DNAJC15: variants seen among roughly 807,000 people sequenced by gnomAD.
The protein encoded by DNAJC15 is DnaJ heat shock protein family (Hsp40) member C15, also known as dnaJ homolog subfamily C member 15.
In DNAJC15, 27 loss-of-function variants were observed where a neutral mutation model predicts 22.4. That is an observed-to-expected ratio of 1.20 (90% CI 0.89 to 1.66). The LOEUF (loss-of-function observed/expected upper bound fraction) is 1.66. DNAJC15 is among the 40% of genes most tolerant of loss of function. The pLI is 0.00. For missense variants in DNAJC15, 208 were observed against 187.1 expected (o/e 1.11, Z -0.65); for synonymous variants, 79 against 63.2 (o/e 1.25, Z -1.19).
intron 1 of DNAJC15, among the ~76,000 whole-genome samples, chr13:43,035,618 T>C (rs1175968416): frequency 6.6e-6 from 1 of 152,240 alleles, no homozygotes; most frequent in Non-Finnish European, 1.5e-5. Flanking sequence ...ACTTCATTAC[T>C]ATAAGTACTT....
intron 5 of DNAJC15, among the ~76,000 whole-genome samples, chr13:43,106,337 G>C (rs1178153094): frequency 6.6e-6 from 1 of 152,068 alleles, no homozygotes; most frequent in Non-Finnish European, 1.5e-5. Flanking sequence ...GAAGTTAGAA[G>C]GTATATGATG....
At chr13:43,066,920 A>G (rs1178648482) in intron 2 of DNAJC15, among the ~76,000 whole-genome samples, 1 of 152,230 alleles carries the variant, frequency 6.6e-6, no homozygotes, top group Non-Finnish European at 1.5e-5. Context: ...TGCCCGGCCC[A>G]TTCGAAAGAA....
intron 3 of DNAJC15, among the ~76,000 whole-genome samples, chr13:43,069,221 C>T (rs1441837562): frequency 6.6e-6 from 1 of 152,050 alleles, no homozygotes; most frequent in East Asian, 1.9e-4. Context: ...GTTTTGACAT[C>T]TAATTATTAT....
intron 1 of DNAJC15, among the ~76,000 whole-genome samples, chr13:43,026,839 AG>A (rs577538707): frequency 9.9e-5 from 15 of 152,222 alleles, no homozygotes; most frequent in Non-Finnish European, 2.2e-4. Flanking sequence ...TTCAAGACCC[AG>A]GGTGGGCAAC....
In DNAJC15 at chr13:43,108,334, T is replaced by C. The variant is rs2040808263; in HGVS notation, c.*1086T>C. Reference sequence around the variant, plus strand: ...TCTGGAAAGCAAGGTTTGGACAGAGTGGTCATCAAAGGCCAGCCCTGTGAC... The same window carrying C: ...TCTGGAAAGCAAGGTTTGGACAGAGCGGTCATCAAAGGCCAGCCCTGTGAC... On this transcript the variant is annotated 3_prime_UTR_variant, in exon 6 of 6. Coordinates refer to ENST00000379221, the MANE Select transcript of DNAJC15 (RefSeq NM_013238.3). The C allele has an allele frequency of 6.6e-6, 1 of 152,050 alleles. No individual in the cohort carries two copies. The highest frequency in any genetic ancestry group is 1.5e-5 in the Non-Finnish European group (1 of 67,982). 9.4% of individuals were successfully genotyped at this position (152,050 alleles called of 1,614,324 possible). A position where few individuals can be genotyped will look rare whatever the true frequency, so the allele number is the denominator to read the frequency against.
At chr13:43,051,374 C>T (rs900268869) in intron 1 of DNAJC15, among the ~76,000 whole-genome samples, 1 of 151,928 alleles carries the variant, frequency 6.6e-6, no homozygotes, top group African/African-American at 2.4e-5. Flanking sequence ...TTAGTGTACT[C>T]ATCACCTGAA....
intron 1 of DNAJC15, among the ~76,000 whole-genome samples, chr13:43,041,314 A>G (rs1429705953): frequency 6.6e-6 from 1 of 152,258 alleles, no homozygotes; most frequent in African/African-American, 2.4e-5. Flanking sequence ...CACATCTTGC[A>G]CAGCCCTTAA....
rs2040835817 is a variant in DNAJC15 at position 43,113,906 on chromosome 13, AC to A, written c.*6661del. 6.6e-6 allele frequency: 1 copy of A among 152,064 alleles called. No homozygotes were observed. Among genetic ancestry groups the A allele is most frequent in the African/African-American group, 2.4e-5 (1 of 41,390 alleles). The allele number at this position is 152,064 out of a possible 1,614,324, so 9.4% of individuals were successfully genotyped here. On this transcript the variant is annotated 3_prime_UTR_variant, in exon 6 of 6. Coordinates refer to ENST00000379221, the MANE Select transcript of DNAJC15 (RefSeq NM_013238.3). ...ACAGAAATGCAGCCTTTCCTGGTTAACCCTGCTTGGATCTGAGTTACACTTT... is the reference window on the plus strand; with the variant it reads ...ACAGAAATGCAGCCTTTCCTGGTTAACCTGCTTGGATCTGAGTTACACTTT...
At chr13:43,094,006 T>G (rs931936158) in intron 5 of DNAJC15, among the ~76,000 whole-genome samples, 6 of 152,318 alleles carry the variant, frequency 3.9e-5, no homozygotes, top group African/African-American at 1.4e-4. Context: ...AATAGGTAGT[T>G]GGGAAAGGAA....
At chr13:43,043,691 G>A (rs558289166) in intron 1 of DNAJC15, among the ~76,000 whole-genome samples, 5 of 152,172 alleles carry the variant, frequency 3.3e-5, no homozygotes, top group South Asian at 2.1e-4. Context: ...TTGTTGTTTC[G>A]CCCTTTTATT....
chr13:43,051,591 A>C (rs1327724125), intron 1 of DNAJC15, among the ~76,000 whole-genome samples: 1 of 151,852 alleles, frequency 6.6e-6, no homozygotes, highest in African/African-American at 2.4e-5. Context: ...GGTTGCTGCA[A>C]ATGCCGTTAT....
intron 1 of DNAJC15, among the ~76,000 whole-genome samples, chr13:43,032,445 T>C (rs1313601615): frequency 6.6e-6 from 1 of 152,348 alleles, no homozygotes; most frequent in Admixed American, 6.5e-5. Context: ...TAATCCACAG[T>C]GTAAGGGTAA....
chr13:43,060,129 G>A (rs1287414114), intron 1 of DNAJC15, among the ~76,000 whole-genome samples: 3 of 152,266 alleles, frequency 2.0e-5, no homozygotes, highest in African/African-American at 7.2e-5. Flanking sequence ...AATAAGAAAA[G>A]CAAAACAAAA....
intron 3 of DNAJC15, among the ~76,000 whole-genome samples, chr13:43,075,915 C>T (rs2153441251): frequency 1.3e-5 from 2 of 152,342 alleles, no homozygotes; most frequent in South Asian, 4.1e-4. Flanking sequence ...CCCGCCTCAG[C>T]CTCGCAAAGT....
At chr13:43,024,587 G>A (rs1362370812) in intron 1 of DNAJC15, among the ~76,000 whole-genome samples, 6 of 151,652 alleles carry the variant, frequency 4.0e-5, no homozygotes, top group Non-Finnish European at 8.8e-5. Flanking sequence ...CTCGTGATCC[G>A]CCCGCCTCGG....
intron 3 of DNAJC15, among the ~76,000 whole-genome samples, chr13:43,074,665 T>G (rs2040624426): frequency 6.6e-6 from 1 of 152,206 alleles, no homozygotes; most frequent in African/African-American, 2.4e-5. Context: ...TTGTGCTTTC[T>G]CATGACATAG....
At chr13:43,059,859 G>A (rs778749590) in intron 1 of DNAJC15, among the ~76,000 whole-genome samples, 10 of 152,202 alleles carry the variant, frequency 6.6e-5, no homozygotes, top group Non-Finnish European at 1.0e-4. Context: ...CGGGCATGGG[G>A]TGGATCTCAC....
chr13:43,090,153 G>C (rs1418720846), intron 5 of DNAJC15, among the ~76,000 whole-genome samples: 1 of 152,136 alleles, frequency 6.6e-6, no homozygotes, highest in Non-Finnish European at 1.5e-5. Context: ...GGTTCAGAGG[G>C]CCCCCTTAAC....
chr13:43,107,065 CAG>C (rs2040800147), intron 5 of DNAJC15, 111 bp from the exon 6 acceptor site: 7 of 782,214 alleles, frequency 8.9e-6, no homozygotes, highest in Admixed American at 4.2e-5. Flanking sequence ...AATAATTTGT[CAG>C]AGGATTAATG....
Sources: allele counts gnomAD v4.1 joint callset (sites outside exome capture counted in the v4.1 genomes callset), GRCh38; gene constraint gnomAD v4.1.1; transcripts MANE v1.5; gene names NCBI Gene and HGNC (gene_info 2026-07-23, HGNC 2026-07-21).